PTPN12: variants seen among roughly 807,000 people sequenced by gnomAD.
PTPN12 encodes tyrosine-protein phosphatase non-receptor type 12.
Under a neutral mutation model 97.6 loss-of-function variants are expected in PTPN12, and 29 were observed. The observed-to-expected ratio is 0.30, with a 90% CI of 0.22 to 0.41. PTPN12 has a LOEUF of 0.41. PTPN12 is among the 10% of genes least tolerant of loss of function. The pLI is 1.00. For synonymous variants in PTPN12, 327 were observed against 300.4 expected, an observed-to-expected ratio of 1.09 and a Z score of -0.91; for missense variants, 819 against 926.0, an observed-to-expected ratio of 0.88 and a Z score of 1.50.
At chr7:77,543,645 A>T (rs1807087392) in intron 1 of PTPN12, among the ~76,000 whole-genome samples, 2 of 152,172 alleles carry the variant, frequency 1.3e-5, no homozygotes, top group South Asian at 4.1e-4. Flanking sequence ...CATTTTCTTC[A>T]CTTTCTGTAC....
intron 6 of PTPN12, among the ~76,000 whole-genome samples, chr7:77,592,849 T>C (rs909373187): frequency 1.1e-4 from 16 of 151,626 alleles, no homozygotes; most frequent in Non-Finnish European, 2.2e-4. Context: ...ATGAAAACAG[T>C]GAAGGAAATA....
chr7:77,606,441 G>C (rs753101638), intron 8 of PTPN12, among the ~76,000 whole-genome samples: 2 of 151,958 alleles, frequency 1.3e-5, no homozygotes, highest in Non-Finnish European at 2.9e-5. Flanking sequence ...CTGTTACCCA[G>C]GCTGGAATGC....
rs1789229456 is a variant in PTPN12 at position 77,627,295 on chromosome 7, A to G, written c.1616A>G (p.His539Arg). The G allele has an allele frequency of 1.2e-6, 2 of 1,614,202 alleles. No individual in the cohort carries two copies. Among genetic ancestry groups the G allele is most frequent in the Non-Finnish European group, 1.7e-6 (2 of 1,180,040 alleles). ...AAAGGACATGTAACGTGGTCATTTC[A>G]TGGACCTGAAAATGCCATACCCATA... ...DEKGHVTWSF[H>R]GPENAIPIPD... Residue 539 changes from histidine (H) to arginine (R), a missense_variant, in exon 13 of 18, where the codon CAT (histidine) becomes CGT (arginine). By Grantham distance (29) the His-to-Arg change is conservative. Coordinates refer to ENST00000248594, the MANE Select transcript of PTPN12 (RefSeq NM_002835.4).
At chr7:77,558,210 C>CAAAAAA (rs61149538) in intron 1 of PTPN12, among the ~76,000 whole-genome samples, 12 of 93,500 alleles carry the variant, frequency 1.3e-4, no homozygotes, top group Non-Finnish European at 1.5e-4. Context: ...GACTCCATCT[C>CAAAAAA]AAAAAAAAAA....
At chr7:77,572,628 T>C (rs896106613) in intron 2 of PTPN12, among the ~76,000 whole-genome samples, 3 of 152,184 alleles carry the variant, frequency 2.0e-5, no homozygotes, top group Admixed American at 6.5e-5. Flanking sequence ...CATAATGGTA[T>C]AGTGTTCTGA....
chr7:77,578,091 A>G (rs557337897), intron 2 of PTPN12, among the ~76,000 whole-genome samples: 2 of 152,330 alleles, frequency 1.3e-5, no homozygotes, highest in East Asian at 3.9e-4. Context: ...TTTGGGAGCC[A>G]CTATTCTCAT....
chr7:77,562,411 A>T (rs1260413156), intron 1 of PTPN12, among the ~76,000 whole-genome samples: 1 of 152,184 alleles, frequency 6.6e-6, no homozygotes, highest in East Asian at 1.9e-4. Flanking sequence ...ATTGCTTTGT[A>T]ATACTTTGGG....
At chr7:77,576,568 G>A (rs1279078724) in intron 2 of PTPN12, among the ~76,000 whole-genome samples, 7 of 152,042 alleles carry the variant, frequency 4.6e-5, no homozygotes, top group Non-Finnish European at 1.0e-4. Context: ...ATGATGGCAC[G>A]TGCCTGTAGT....
chr7:77,634,614 G>A (rs1789521608), intron 14 of PTPN12, among the ~76,000 whole-genome samples: 1 of 151,390 alleles, frequency 6.6e-6, no homozygotes, highest in Non-Finnish European at 1.5e-5. Flanking sequence ...TTATTTTTTT[G>A]TATTTTTTTT....
chr7:77,580,711 AATAACTATTATTAGCCAAGAGC>A (rs1479404900), intron 2 of PTPN12, among the ~76,000 whole-genome samples: 1 of 152,196 alleles, frequency 6.6e-6, no homozygotes, highest in African/African-American at 2.4e-5. Context: ...ATTACCTAAT[AATAACTATTATTAGCCAAGAGC>A]AGTGTTGAAC....
chr7:77,598,758 G>T (rs777160838), intron 7 of PTPN12, among the ~76,000 whole-genome samples: 1 of 151,492 alleles, frequency 6.6e-6, no homozygotes, highest in Non-Finnish European at 1.5e-5. Context: ...GTTTTATTTG[G>T]TAAAATGGGT....
intron 9 of PTPN12, 58 bp from the exon 10 acceptor site, chr7:77,610,707 G>T: frequency 6.7e-7 from 1 of 1,496,406 alleles, no homozygotes; most frequent in East Asian, 2.3e-5. Flanking sequence ...AGCTGAAGAA[G>T]ATTTTACTAT....
intron 1 of PTPN12, 62 bp downstream of exon 1, chr7:77,537,707 C>T (rs1806723473): frequency 1.3e-6 from 2 of 1,505,116 alleles, no homozygotes; most frequent in East Asian, 2.6e-5. Context: ...GCCGCCTCTC[C>T]CGGCCGGGCC....
At chr7:77,556,350 A>G (rs1317462567) in intron 1 of PTPN12, among the ~76,000 whole-genome samples, 1 of 151,954 alleles carries the variant, frequency 6.6e-6, no homozygotes, top group Non-Finnish European at 1.5e-5. Flanking sequence ...GGCATGAGCC[A>G]CCCAGAGCCA....
chr7:77,549,064 A>G (rs543409219), intron 1 of PTPN12, among the ~76,000 whole-genome samples: 3 of 152,218 alleles, frequency 2.0e-5, no homozygotes, highest in Non-Finnish European at 4.4e-5. Flanking sequence ...AGAGCTCAGA[A>G]TGACTAGAAT....
chr7:77,612,713 A>C (rs1245568697), intron 11 of PTPN12, among the ~76,000 whole-genome samples: 1 of 151,394 alleles, frequency 6.6e-6, no homozygotes, highest in Non-Finnish European at 1.5e-5. Flanking sequence ...CTAGGATTAC[A>C]GGCATGAGCC....
rs184236967 is a variant in PTPN12, at chr7:77,570,012, A to G, written c.100-1066A>G. ...TTGAATACAGTTTTTCCTCTGACAC[A>G]TGTATATATTTGGAGAACTCTATTA... On this transcript the variant is annotated intron_variant, in intron 1 of 17. Transcript: ENST00000248594. Among the ~76,000 whole-genome samples the G allele has an allele frequency of 2.8e-4, 43 of 152,288 alleles. 1 individual carries two copies. The highest frequency in any genetic ancestry group is 2.2e-3 in the Admixed American group (33 of 15,302).
chr7:77,565,480 G>A (rs1242197691), intron 1 of PTPN12, among the ~76,000 whole-genome samples: 1 of 152,214 alleles, frequency 6.6e-6, no homozygotes, highest in Admixed American at 6.5e-5. Context: ...TTGAACTGCT[G>A]TTGAATGGTG....
chr7:77,554,083 A>G (rs978459892), intron 1 of PTPN12, among the ~76,000 whole-genome samples: 5 of 152,118 alleles, frequency 3.3e-5, no homozygotes, highest in African/African-American at 4.8e-5. Flanking sequence ...CTCCTGCCTC[A>G]GCCTCCTGAG....
Sources: allele counts gnomAD v4.1 joint callset (sites outside exome capture counted in the v4.1 genomes callset), GRCh38; gene constraint gnomAD v4.1.1; transcripts MANE v1.5; gene names NCBI Gene and HGNC (gene_info 2026-07-23, HGNC 2026-07-21).